CDH4: variants seen among roughly 807,000 people sequenced by gnomAD.
CDH4 encodes the protein cadherin 4.
A neutral mutation model predicts 86.0 loss-of-function variants in CDH4; 33 were observed. That is an observed-to-expected ratio of 0.38 (90% CI 0.29 to 0.51). The LOEUF (loss-of-function observed/expected upper bound fraction) is 0.51, where lower values mean the gene tolerates loss of function less well. Ranked by LOEUF, CDH4 falls within the 20% of genes least tolerant of loss-of-function variation. CDH4 has a pLI of 0.86. For synonymous variants in CDH4, 555 were observed against 549.4 expected (o/e 1.01, Z -0.14); for missense variants, 1,114 against 1,307.4 (o/e 0.85, Z 2.28).
At chr20:61,747,202 G>C (rs1447647495) in intron 3 of CDH4, among the ~76,000 whole-genome samples, 1 of 152,198 alleles carries the variant, frequency 6.6e-6, no homozygotes, top group Non-Finnish European at 1.5e-5. Flanking sequence ...AGCATTTTGG[G>C]AGGCCGAGGC....
At chr20:61,929,443 TG>T (rs2055081207) in intron 12 of CDH4, among the ~76,000 whole-genome samples, 165 bp from the exon 13 acceptor site, 1 of 152,248 alleles carries the variant, frequency 6.6e-6, no homozygotes, top group Middle Eastern at 3.2e-3. Context: ...CAACCTCCAA[TG>T]TCTTTTAACT....
intron 2 of CDH4, among the ~76,000 whole-genome samples, chr20:61,628,645 C>G (rs2086854649): frequency 6.6e-6 from 1 of 152,258 alleles, no homozygotes; most frequent in African/African-American, 2.4e-5. Context: ...TCTCCAGGTC[C>G]TGTGGGGGAT....
At chr20:61,317,466 C>G (rs569781122) in intron 2 of CDH4, among the ~76,000 whole-genome samples, 1 of 152,206 alleles carries the variant, frequency 6.6e-6, no homozygotes, top group South Asian at 2.1e-4. Context: ...ACCCTCGTGA[C>G]CTGATTGGAT....
At position 61,909,736 on chromosome 20, in the gene CDH4, A is replaced by T. The variant is rs187617872; in HGVS notation, c.1189-686A>T. ...ATGGTAGCATTTAGCTCCCACCTGG[A>T]TAATCCAGAAAAATCTCCCCAGCTC... On this transcript the variant is annotated intron_variant, in intron 8 of 15. Coordinates refer to ENST00000614565, the MANE Select transcript of CDH4 (RefSeq NM_001794.5). Among the ~76,000 whole-genome samples, 15 of 152,316 alleles carry T rather than the reference A, an allele frequency of 9.8e-5. No homozygotes were observed. In the East Asian group the frequency reaches 2.5e-3, roughly 25 times the overall value.
intron 2 of CDH4, among the ~76,000 whole-genome samples, chr20:61,278,107 AG>A (rs558307536): frequency 1.3e-5 from 2 of 152,216 alleles, no homozygotes; most frequent in Non-Finnish European, 2.9e-5. Flanking sequence ...TCTTGGGGTC[AG>A]GGGGCCAAGG....
chr20:61,624,984 A>G (rs2086816840), intron 2 of CDH4, among the ~76,000 whole-genome samples: 1 of 152,218 alleles, frequency 6.6e-6, no homozygotes, highest in Non-Finnish European at 1.5e-5. Flanking sequence ...AGCTGAACCC[A>G]GTTAATTATA....
chr20:61,483,600 C>T (rs971557230), intron 2 of CDH4, among the ~76,000 whole-genome samples: 6 of 152,122 alleles, frequency 3.9e-5, no homozygotes, highest in African/African-American at 9.7e-5. Context: ...TTCGGGGTGG[C>T]CCTCTTTCAC....
intron 2 of CDH4, among the ~76,000 whole-genome samples, chr20:61,396,611 C>A (rs2085018744): frequency 1.3e-5 from 2 of 152,212 alleles, no homozygotes; most frequent in South Asian, 4.1e-4. Flanking sequence ...GACCAGCAGA[C>A]CTGGCCCGGC....
chr20:61,372,951 G>T (rs768486387), intron 2 of CDH4, among the ~76,000 whole-genome samples: 2 of 152,270 alleles, frequency 1.3e-5, no homozygotes, highest in South Asian at 2.1e-4. Flanking sequence ...TGCCCTCCGC[G>T]TCCTTGCATG....
At chr20:61,347,061 C>T (rs76170356) in intron 2 of CDH4, among the ~76,000 whole-genome samples, 3,781 of 152,296 alleles carry the variant, frequency 0.025, 76 homozygotes, top group South Asian at 0.086. Context: ...GTCAGTACCA[C>T]GTTTTACTAA....
chr20:61,775,082 A>G (rs1000146710), intron 4 of CDH4, among the ~76,000 whole-genome samples: 1 of 152,054 alleles, frequency 6.6e-6, no homozygotes, highest in Non-Finnish European at 1.5e-5. Context: ...TGCCTCTAGG[A>G]CTTTGAGGAA....
intron 2 of CDH4, among the ~76,000 whole-genome samples, chr20:61,603,288 C>T (rs2427176): frequency 0.61 from 93,148 of 151,792 alleles, 29,777 homozygotes; most frequent in Non-Finnish European, 0.7. Flanking sequence ...TGGTGAGTGT[C>T]ATGGAGAAAA....
intron 2 of CDH4, among the ~76,000 whole-genome samples, chr20:61,556,159 A>G (rs981097579): frequency 2.6e-5 from 4 of 152,146 alleles, no homozygotes; most frequent in East Asian, 3.9e-4. Flanking sequence ...TTCAGCAACA[A>G]GAATGTGCAT....
At chr20:61,372,401 G>A (rs571164347) in intron 2 of CDH4, among the ~76,000 whole-genome samples, 10 of 152,318 alleles carry the variant, frequency 6.6e-5, no homozygotes, top group South Asian at 2.1e-4. Context: ...CTCCTTCTCC[G>A]TGCAGCACCG....
chr20:61,633,333 C>A (rs1479101053), intron 2 of CDH4, among the ~76,000 whole-genome samples: 1 of 152,120 alleles, frequency 6.6e-6, no homozygotes, highest in Admixed American at 6.5e-5. Flanking sequence ...ATTCATCTAT[C>A]CATCTCTTCA....
chr20:61,477,403 T>C (rs2085543865), intron 2 of CDH4, among the ~76,000 whole-genome samples: 1 of 152,144 alleles, frequency 6.6e-6, no homozygotes, highest in Admixed American at 6.5e-5. Context: ...AAGGCAGGTA[T>C]TGTCAAGATG....
chr20:61,888,813 G>A (rs571619412), intron 7 of CDH4, among the ~76,000 whole-genome samples: 20 of 152,296 alleles, frequency 1.3e-4, no homozygotes, highest in African/African-American at 4.1e-4. Context: ...GACCCTGACC[G>A]GTCCCCTCGC....
rs1031520989 is a variant in CDH4 at position 61,758,953 on chromosome 20, G to A, written c.397-14050G>A. Among the ~76,000 whole-genome samples the A allele has an allele frequency of 8.5e-5, 13 of 152,320 alleles. No individual in the cohort carries two copies. The Middle Eastern group carries it at 0.01, about 120-fold the overall frequency. On this transcript the variant is annotated intron_variant, in intron 3 of 15. Transcript: ENST00000614565. The stretch of plus-strand genomic sequence containing the variant: ...TGTGCATGGGTGTACACATGTATAT[G>A]AGTGTGCACATGTGCGCATGGGTGT...
Position 61,329,530 on chromosome 20 carries a change from G to GCT in CDH4, c.169+74609_169+74610dup, listed in dbSNP as rs751108762. ...TATTTTATAATAAGAGAGGGCTCTT[G>GCT]CTCTCTCTCTCTCTCTCCTGCTTTG... On this transcript the variant is annotated intron_variant, in intron 2 of 15. Transcript: ENST00000614565. 1.9e-3 allele frequency among the ~76,000 whole-genome samples: 282 copies of GCT among 149,470 alleles called. 2 individuals carry two copies. The highest frequency in any genetic ancestry group is 1.3e-3 in the African/African-American group (53 of 40,746).
Sources: gnomAD v4.1 joint callset for allele counts (sites outside exome capture counted in the v4.1 genomes callset) on GRCh38, gnomAD v4.1.1 for gene constraint, MANE v1.5 for transcripts, NCBI Gene and HGNC (gene_info 2026-07-23, HGNC 2026-07-21) for gene names.